The following CACNA1C variants were observed in gnomAD, a reference collection of about 807,000 sequenced individuals.
The protein encoded by CACNA1C is voltage-dependent L-type calcium channel subunit alpha-1C.
A neutral mutation model predicts 229.0 loss-of-function variants in CACNA1C; 30 were observed. The observed-to-expected ratio is 0.13, with a 90% CI of 0.10 to 0.18. The LOEUF (loss-of-function observed/expected upper bound fraction) is 0.18. Ranked by LOEUF, CACNA1C falls within the 10% of genes least tolerant of loss-of-function variation. The pLI is 1.00. For synonymous variants in CACNA1C, 1,114 were observed against 1,132.5 expected, an observed-to-expected ratio of 0.98 and a Z score of 0.33; for missense variants, 1,658 against 2,845.0, an observed-to-expected ratio of 0.58 and a Z score of 9.49.
intron 5 of CACNA1C, among the ~76,000 whole-genome samples, chr12:2,462,262 A>G (rs1431232144): frequency 7.1e-6 from 1 of 140,364 alleles, no homozygotes; most frequent in South Asian, 2.3e-4. Flanking sequence ...TCAGCTCTCC[A>G]TACAGGCCTG....
In CACNA1C at chr12:2,200,346, C is replaced by G. The variant is rs374596285; in HGVS notation, c.477+79916C>G. Among the ~76,000 whole-genome samples, 58 of 152,290 alleles carry G rather than the reference C, an allele frequency of 3.8e-4. 1 individual carries two copies. The South Asian group carries it at 0.012, about 31-fold the overall frequency. On this transcript the variant is annotated intron_variant, in intron 3 of 46. Coordinates refer to ENST00000399655, the MANE Select transcript of CACNA1C (RefSeq NM_000719.7). ...CAGGCACTATTCTAGAGCAGTGGCT[C>G]TAACCTAGGGATGATTTTGCCTTCC...
At chr12:2,521,149 G>A (rs1171396650) in intron 9 of CACNA1C, among the ~76,000 whole-genome samples, 4 of 152,208 alleles carry the variant, frequency 2.6e-5, no homozygotes, top group Admixed American at 2.6e-4. Flanking sequence ...AAAGACACCA[G>A]AAGAAGGATT....
chr12:2,046,972 A>G (rs2051178647), intron 1 of CACNA1C, among the ~76,000 whole-genome samples: 1 of 152,178 alleles, frequency 6.6e-6, no homozygotes, highest in South Asian at 2.1e-4. Context: ...AGAAGGAGAA[A>G]GGCCATTCTG....
chr12:2,101,926 G>A (rs1000735205), intron 1 of CACNA1C, among the ~76,000 whole-genome samples: 5 of 152,100 alleles, frequency 3.3e-5, no homozygotes, highest in African/African-American at 9.7e-5. Flanking sequence ...CTGCATCATG[G>A]GACCAAAGTC....
intron 3 of CACNA1C, among the ~76,000 whole-genome samples, chr12:2,243,023 G>T (rs1002280808): frequency 9.9e-5 from 15 of 152,208 alleles, no homozygotes; most frequent in African/African-American, 3.6e-4. Flanking sequence ...TATCTGCTGT[G>T]TGGTTTGGTG....
At chr12:2,377,274 G>C (rs1282274843) in intron 3 of CACNA1C, among the ~76,000 whole-genome samples, 2 of 152,160 alleles carry the variant, frequency 1.3e-5, no homozygotes, top group Admixed American at 6.5e-5. Context: ...CGTTCTGTTT[G>C]TGAGCACAAG....
intron 30 of CACNA1C, among the ~76,000 whole-genome samples, chr12:2,637,599 G>A (rs35240807): frequency 0.055 from 8,372 of 152,314 alleles, 256 homozygotes; most frequent in Middle Eastern, 0.1. Flanking sequence ...GTGAGGGACA[G>A]CAGCTTAATT....
chr12:2,289,350 G>C (rs2093175545), intron 3 of CACNA1C, among the ~76,000 whole-genome samples: 1 of 152,180 alleles, frequency 6.6e-6, no homozygotes. Flanking sequence ...CTGGGGAGGG[G>C]GTGGATGGAG....
At chr12:2,283,466 C>G (rs1224526568) in intron 3 of CACNA1C, among the ~76,000 whole-genome samples, 1 of 152,200 alleles carries the variant, frequency 6.6e-6, no homozygotes. Context: ...ACCCCTTACT[C>G]TATATCCACA....
At position 2,597,587 on chromosome 12, in the gene CACNA1C, ACT is replaced by A. The variant is rs2069002723; in HGVS notation, c.2853+305_2853+306del. 1.1e-6 allele frequency: 1 copy of A among 898,888 alleles called. No individual in the cohort carries two copies. The highest frequency in any genetic ancestry group is 1.4e-5 in the South Asian group (1 of 72,412). 55.7% of individuals were successfully genotyped at this position (898,888 alleles called of 1,614,324 possible). A position where few individuals can be genotyped will look rare whatever the true frequency, so the allele number is the denominator to read the frequency against. On this transcript the variant is annotated intron_variant, in intron 21 of 46. Transcript: ENST00000399655. The surrounding 1 kb of genome is among the most constrained non-coding windows in gnomAD (Gnocchi z 4.3). Reference sequence around the variant, plus strand: ...ATCTTTTGTCTTTTCTGTTTCTTTCACTCTCTCTTTTCTTTACTCCCAAGCCT... The same window carrying A: ...ATCTTTTGTCTTTTCTGTTTCTTTCACTCTCTTTTCTTTACTCCCAAGCCT...
chr12:2,347,229 C>T (rs141978470), intron 3 of CACNA1C, among the ~76,000 whole-genome samples: 25 of 152,308 alleles, frequency 1.6e-4, no homozygotes, highest in African/African-American at 5.8e-4. Flanking sequence ...CTCACCTCCC[C>T]ACGAACACTG....
intron 9 of CACNA1C, among the ~76,000 whole-genome samples, chr12:2,515,283 CT>C (rs1249446943): frequency 6.6e-6 from 1 of 152,142 alleles, no homozygotes; most frequent in African/African-American, 2.4e-5. Flanking sequence ...GAGACTGTGT[CT>C]GTTGGGGAAG....
rs2097024835 is a variant in CACNA1C, at chr12:2,346,407, C to T, written c.478-102569C>T. On this transcript the variant is annotated intron_variant, in intron 3 of 46. Transcript: ENST00000399655. This position sits in a 1 kb window ranked among gnomAD's most constrained non-coding sequence, Gnocchi z 4.4. ...GTCTGTGTTTGGGCAAGACTGTGTT[C>T]CACCCCCTTCCCCAGGCTTGGGACA... 6.6e-6 allele frequency among the ~76,000 whole-genome samples: 1 copy of T among 152,082 alleles called. No homozygotes were observed. Among genetic ancestry groups the T allele is most frequent in the Non-Finnish European group, 1.5e-5 (1 of 68,016 alleles).
chr12:2,401,056 C>G (rs956786484), intron 3 of CACNA1C, among the ~76,000 whole-genome samples: 1 of 152,188 alleles, frequency 6.6e-6, no homozygotes, highest in African/African-American at 2.4e-5. Flanking sequence ...AAGGCTTGGT[C>G]CTCCCTTCAG....
rs1479308863 is a variant in CACNA1C, at chr12:2,337,713, C to G, written c.478-111263C>G. Among the ~76,000 whole-genome samples, 3 of 152,152 alleles carry G rather than the reference C, an allele frequency of 2.0e-5. No homozygotes were observed. In the East Asian group the frequency reaches 5.8e-4, roughly 29 times the overall value. On this transcript the variant is annotated intron_variant, in intron 3 of 46. Coordinates refer to ENST00000399655, the MANE Select transcript of CACNA1C (RefSeq NM_000719.7). Reference sequence around the variant, plus strand: ...AAATGCACCCAGCCCCTTTGAGATGCGAGGGCAGAGTTATCATGTGCGTTT... The same window carrying G: ...AAATGCACCCAGCCCCTTTGAGATGGGAGGGCAGAGTTATCATGTGCGTTT...
rs1039516014 is a variant in CACNA1C at position 2,140,179 on chromosome 12, C to A, written c.477+19749C>A. Among the ~76,000 whole-genome samples the A allele has an allele frequency of 1.5e-4, 23 of 151,188 alleles. 2 individuals are homozygous for A. The highest frequency in any genetic ancestry group is 3.0e-5 in the Non-Finnish European group (2 of 67,556). On this transcript the variant is annotated intron_variant, in intron 3 of 46. Transcript: ENST00000399655. ...GAGAACCTGTCCCATAACCAGAGAA[C>A]CTCTGTCCTGGGACAGGGACAGGCC...
chr12:2,180,780 T>C (rs906879833), intron 3 of CACNA1C, among the ~76,000 whole-genome samples: 3 of 152,136 alleles, frequency 2.0e-5, no homozygotes, highest in Non-Finnish European at 4.4e-5. Context: ...GTTTTTATCA[T>C]TTTCAAAATG....
chr12:2,505,796 A>T (rs1304724800), intron 8 of CACNA1C, among the ~76,000 whole-genome samples: 4 of 151,972 alleles, frequency 2.6e-5, no homozygotes, highest in Non-Finnish European at 5.9e-5. Context: ...CTAACACCTA[A>T]ATGCTCCTGG....
chr12:2,119,321 C>T (rs182057250), intron 2 of CACNA1C, among the ~76,000 whole-genome samples: 8 of 152,244 alleles, frequency 5.3e-5, no homozygotes, highest in Admixed American at 1.3e-4. Flanking sequence ...TCCTGTGAGA[C>T]TCCATGAACT....
Sources: gnomAD v4.1 joint callset for allele counts (sites outside exome capture counted in the v4.1 genomes callset) on GRCh38, gnomAD v4.1.1 for gene constraint, Gnocchi (gnomAD v3.1) non-coding constraint, MANE v1.5 for transcripts, NCBI Gene and HGNC (gene_info 2026-07-23, HGNC 2026-07-21) for gene names.